The following CNNM2 variants were observed in gnomAD, a reference collection of about 807,000 sequenced individuals.
The protein encoded by CNNM2 is cyclin and CBS domain divalent metal cation transport mediator 2, also known as metal transporter CNNM2.
CNNM2 carries 12 observed loss-of-function variants against 66.9 expected under a neutral mutation model. The ratio of observed to expected loss-of-function variants is 0.18; its 90% CI spans 0.11 to 0.29. The LOEUF is 0.29. CNNM2 is among the 10% of genes least tolerant of loss of function. CNNM2 has a pLI of 1.00. For missense variants in CNNM2, 705 were observed against 1,167.7 expected, an observed-to-expected ratio of 0.60 and a Z score of 5.77; for synonymous variants, 557 against 501.8, an observed-to-expected ratio of 1.11 and a Z score of -1.47.
chr10:103,073,291 G>GA (rs1554906515), intron 6 of CNNM2, among the ~76,000 whole-genome samples: 1 of 152,214 alleles, frequency 6.6e-6, no homozygotes, highest in Non-Finnish European at 1.5e-5. Flanking sequence ...CTTCTCAGGA[G>GA]AAAACAGGAG....
At chr10:102,952,425 G>T (rs556549769) in intron 1 of CNNM2, among the ~76,000 whole-genome samples, 36 of 151,994 alleles carry the variant, frequency 2.4e-4, no homozygotes, top group Admixed American at 1.6e-3. Context: ...TTGGCTGGGC[G>T]TGGTGGCGGG....
rs1252132502 is a variant in CNNM2 at position 103,088,570 on chromosome 10, A to AGAGAT, written c.*11392_*11396dup. 3.2e-5 allele frequency: 5 copies of AGAGAT among 154,282 alleles called. No individual in the cohort carries two copies. The highest frequency in any genetic ancestry group is 1.2e-4 in the African/African-American group (5 of 41,514). 9.6% of individuals were successfully genotyped at this position (154,282 alleles called of 1,614,324 possible). ...GCCCAGGTAATTTTGTATTTTTAGT[A>AGAGAT]GAGATGGGGTTTCTCCATGTTGGTA... On this transcript the variant is annotated 3_prime_UTR_variant, in exon 8 of 8. Transcript: ENST00000369878.
At chr10:102,971,128 G>A (rs779398786) in intron 1 of CNNM2, among the ~76,000 whole-genome samples, 2 of 151,704 alleles carry the variant, frequency 1.3e-5, no homozygotes, top group Non-Finnish European at 2.9e-5. Context: ...GAGCCCAGGA[G>A]TTCAAGGCTG....
intron 2 of CNNM2, among the ~76,000 whole-genome samples, chr10:103,052,735 A>G (rs1412054179): frequency 6.6e-6 from 1 of 152,170 alleles, no homozygotes; most frequent in African/African-American, 2.4e-5. Flanking sequence ...GCTGGTCTCG[A>G]ACTCCTGACC....
chr10:103,061,434 T>C lies in CNNM2; in HGVS notation c.2073+4470T>C, dbSNP rs12415468. On this transcript the variant is annotated intron_variant, in intron 4 of 7. Transcript: ENST00000369878. ...ATAATTTAAAATTGAAAATGCCTTA[T>C]AACCAACAAACACAATCAAGATTTG... Among the ~76,000 whole-genome samples, 15,866 of 152,102 alleles carry C rather than the reference T, an allele frequency of 0.1. 1,073 individuals carry two copies. Among genetic ancestry groups the C allele is most frequent in the Non-Finnish European group, 0.15 (9,938 of 67,968 alleles).
chr10:102,997,421 T>C (rs2064023986), intron 1 of CNNM2, among the ~76,000 whole-genome samples: 1 of 152,206 alleles, frequency 6.6e-6, no homozygotes, highest in Admixed American at 6.5e-5. Flanking sequence ...TTTCCAAATA[T>C]TATTTTGATA....
At chr10:103,008,853 A>C (rs1358471563) in intron 1 of CNNM2, among the ~76,000 whole-genome samples, 1 of 151,516 alleles carries the variant, frequency 6.6e-6, no homozygotes, top group Admixed American at 6.6e-5. Context: ...GCACATTCCC[A>C]AGCATTTGTA....
intron 6 of CNNM2, among the ~76,000 whole-genome samples, chr10:103,075,383 A>G (rs1260881106): frequency 6.6e-6 from 1 of 152,218 alleles, no homozygotes; most frequent in African/African-American, 2.4e-5. Context: ...CTTCCATTTA[A>G]GAGCAACAAC....
intron 1 of CNNM2, among the ~76,000 whole-genome samples, chr10:103,021,864 C>T (rs1271114297): frequency 6.6e-6 from 1 of 151,976 alleles, no homozygotes; most frequent in Non-Finnish European, 1.5e-5. Flanking sequence ...TTACTTCTGC[C>T]GTGTATGTGT....
At chr10:102,933,710 A>AT (rs977054539) in intron 1 of CNNM2, among the ~76,000 whole-genome samples, 6 of 151,890 alleles carry the variant, frequency 4.0e-5, no homozygotes, top group Non-Finnish European at 8.8e-5. Context: ...GAAAGACTAA[A>AT]TTTTTTTTTA....
At chr10:102,952,092 C>T (rs1846859192) in intron 1 of CNNM2, among the ~76,000 whole-genome samples, 1 of 151,974 alleles carries the variant, frequency 6.6e-6, no homozygotes, top group Non-Finnish European at 1.5e-5. Flanking sequence ...CGTGAGCCAC[C>T]ACGCCCGGCC....
intron 1 of CNNM2, among the ~76,000 whole-genome samples, chr10:102,931,086 G>A (rs1472495422): frequency 6.6e-6 from 1 of 152,118 alleles, no homozygotes; most frequent in Non-Finnish European, 1.5e-5. Context: ...ATTTAGTTTG[G>A]GCATGTTATT....
At chr10:103,041,370 A>G (rs570326514) in intron 1 of CNNM2, among the ~76,000 whole-genome samples, 9 of 152,280 alleles carry the variant, frequency 5.9e-5, no homozygotes, top group African/African-American at 2.2e-4. Context: ...AGAAAAGACA[A>G]AGATTTCAGA....
chr10:102,922,384 CT>C (rs1363065164), intron 1 of CNNM2, among the ~76,000 whole-genome samples: 1 of 151,260 alleles, frequency 6.6e-6, no homozygotes, highest in African/African-American at 2.4e-5. Flanking sequence ...TATATTGGTT[CT>C]TTTTTTTATG....
At chr10:102,954,057 A>C (rs1408927143) in intron 1 of CNNM2, among the ~76,000 whole-genome samples, 1 of 151,926 alleles carries the variant, frequency 6.6e-6, no homozygotes, top group Non-Finnish European at 1.5e-5. Flanking sequence ...TGAACCCCAG[A>C]CTGCTCAAAG....
Position 103,089,168 on chromosome 10 carries a change from A to T in CNNM2, c.*11988A>T, listed in dbSNP as rs1272631717. 4.0e-5 allele frequency: 9 copies of T among 225,972 alleles called. No homozygotes were observed. Among genetic ancestry groups the T allele is most frequent in the Non-Finnish European group, 7.9e-5 (9 of 113,602 alleles). The allele number at this position is 225,972 out of a possible 1,614,324, so 14.0% of individuals were successfully genotyped here. ...ACTGAGGATGAATTAAAGGCTTATAAAAGAAAACTTGACCTTAACAGAGAC... is the reference window on the plus strand; with the variant it reads ...ACTGAGGATGAATTAAAGGCTTATATAAGAAAACTTGACCTTAACAGAGAC... On this transcript the variant is annotated 3_prime_UTR_variant, in exon 8 of 8. Coordinates refer to ENST00000369878, the MANE Select transcript of CNNM2 (RefSeq NM_017649.5).
intron 1 of CNNM2, among the ~76,000 whole-genome samples, chr10:103,026,782 A>AT (rs1260288527): frequency 1.3e-5 from 2 of 152,122 alleles, no homozygotes; most frequent in African/African-American, 4.8e-5. Flanking sequence ...GAGTGTGTTC[A>AT]TTAGCACATT....
At chr10:102,994,384 G>C (rs1309147037) in intron 1 of CNNM2, among the ~76,000 whole-genome samples, 1 of 152,220 alleles carries the variant, frequency 6.6e-6, no homozygotes, top group East Asian at 1.9e-4. Context: ...TAGATTTCAA[G>C]TTTGTTCATT....
chr10:103,073,734 C>T (rs1441929936), intron 6 of CNNM2, among the ~76,000 whole-genome samples: 17 of 151,752 alleles, frequency 1.1e-4, no homozygotes, highest in Admixed American at 9.2e-4. Context: ...CTGTGGTGGG[C>T]GCCTGTAGTC....
Sources: gnomAD v4.1 joint callset for allele counts (sites outside exome capture counted in the v4.1 genomes callset) on GRCh38, gnomAD v4.1.1 for gene constraint, MANE v1.5 for transcripts, NCBI Gene and HGNC (gene_info 2026-07-23, HGNC 2026-07-21) for gene names.